The following DPP10 variants were observed in gnomAD, a reference collection of about 807,000 sequenced individuals.
The protein encoded by DPP10 is inactive dipeptidyl peptidase 10.
DPP10 carries 33 observed loss-of-function variants against 120.9 expected under a neutral mutation model. That is an observed-to-expected ratio of 0.27 (90% CI 0.21 to 0.37). The LOEUF (loss-of-function observed/expected upper bound fraction) is 0.37. Ranked by LOEUF, DPP10 falls within the 10% of genes least tolerant of loss-of-function variation. The pLI, the probability that DPP10 is intolerant of heterozygous loss-of-function variation, is 1.00. For missense variants in DPP10, 816 were observed against 942.8 expected (o/e 0.87, Z 1.76); for synonymous variants, 337 against 326.1 (o/e 1.03, Z -0.36).
At chr2:115,420,140 C>CTGA (rs2069806241) in intron 3 of DPP10, among the ~76,000 whole-genome samples, 1 of 152,162 alleles carries the variant, frequency 6.6e-6, no homozygotes, top group South Asian at 2.1e-4. Flanking sequence ...TCCTGTCCTG[C>CTGA]TGATCATGCA....
chr2:115,391,320 T>C (rs1361881605), intron 3 of DPP10, among the ~76,000 whole-genome samples: 3 of 152,266 alleles, frequency 2.0e-5, no homozygotes, highest in East Asian at 1.9e-4. Context: ...TGGACACTGA[T>C]TGTGTAAGCA....
chr2:114,544,745 C>T (rs1458390268), intron 1 of DPP10, among the ~76,000 whole-genome samples: 2 of 151,734 alleles, frequency 1.3e-5, no homozygotes, highest in Admixed American at 6.6e-5. Context: ...TACTACATAG[C>T]AATATATTAT....
intron 1 of DPP10, among the ~76,000 whole-genome samples, chr2:114,983,274 T>C (rs1185635410): frequency 2.6e-5 from 4 of 152,190 alleles, no homozygotes; most frequent in Non-Finnish European, 5.9e-5. Context: ...GTTGAAAAGT[T>C]TGACACATTC....
intron 3 of DPP10, among the ~76,000 whole-genome samples, chr2:115,358,296 C>A (rs1326393452): frequency 6.6e-6 from 1 of 152,258 alleles, no homozygotes; most frequent in African/African-American, 2.4e-5. Flanking sequence ...TTCAAAGTTT[C>A]ACATGTCTCT....
intron 1 of DPP10, among the ~76,000 whole-genome samples, chr2:114,942,098 C>G (rs1243597180): frequency 6.6e-6 from 1 of 150,704 alleles, no homozygotes; most frequent in East Asian, 2.0e-4. Context: ...ACGGTAAAAC[C>G]CCATCTCTAC....
intron 1 of DPP10, among the ~76,000 whole-genome samples, chr2:114,589,045 G>GT (rs1553466506): frequency 2.7e-5 from 4 of 150,404 alleles, no homozygotes; most frequent in Admixed American, 6.6e-5. Context: ...TTTGGGGGGG[G>GT]GGGTAGGGGA....
intron 1 of DPP10, among the ~76,000 whole-genome samples, chr2:114,987,008 G>C (rs539564945): frequency 6.6e-6 from 1 of 152,086 alleles, no homozygotes; most frequent in South Asian, 2.1e-4. Context: ...TCGAACTCCT[G>C]ACCTCAAGTG....
chr2:115,358,530 C>T (rs1405609250), intron 3 of DPP10, among the ~76,000 whole-genome samples: 1 of 152,060 alleles, frequency 6.6e-6, no homozygotes, highest in Non-Finnish European at 1.5e-5. Flanking sequence ...TGGGAAGTTC[C>T]AAACTTTCCC....
intron 1 of DPP10, among the ~76,000 whole-genome samples, chr2:114,791,318 C>T (rs965209807): frequency 3.9e-5 from 6 of 152,148 alleles, no homozygotes; most frequent in Non-Finnish European, 7.3e-5. Context: ...CTGCTTTGCC[C>T]ACTGAACTAG....
chr2:114,935,863 GT>G (rs34445525), intron 1 of DPP10, among the ~76,000 whole-genome samples: 107 of 146,018 alleles, frequency 7.3e-4, no homozygotes, highest in Middle Eastern at 3.5e-3. Context: ...AAAACTGAAG[GT>G]TTTTTTTTTT....
chr2:114,879,335 TG>T (rs1691417064), intron 1 of DPP10, among the ~76,000 whole-genome samples: 1 of 152,136 alleles, frequency 6.6e-6, no homozygotes, highest in South Asian at 2.1e-4. Context: ...CTCAATCATC[TG>T]TCACTATCAT....
intron 1 of DPP10, among the ~76,000 whole-genome samples, chr2:114,626,375 T>A (rs1407093171): frequency 1.3e-5 from 2 of 152,098 alleles, no homozygotes; most frequent in African/African-American, 4.8e-5. Context: ...TAATGAAGTT[T>A]ATCTGTTTTC....
intron 3 of DPP10, among the ~76,000 whole-genome samples, chr2:115,497,094 A>G (rs1027990827): frequency 1.3e-5 from 2 of 152,090 alleles, no homozygotes; most frequent in Non-Finnish European, 2.9e-5. Flanking sequence ...TTATCTATAT[A>G]TAGGCGAGTC....
intron 5 of DPP10, among the ~76,000 whole-genome samples, chr2:115,622,829 C>CTTTTTTTTTTTTTTTTTTT (rs765780452): frequency 3.1e-5 from 4 of 128,336 alleles, no homozygotes; most frequent in African/African-American, 2.9e-5. Flanking sequence ...TTCGTTTATT[C>CTTTTTTTTTTTTTTTTTTT]TTTTTTTTTT....
chr2:114,887,949 C>T (rs1692207123), intron 1 of DPP10, among the ~76,000 whole-genome samples: 1 of 151,844 alleles, frequency 6.6e-6, no homozygotes, highest in Non-Finnish European at 1.5e-5. Context: ...ACCATCCTGG[C>T]TAACACAGTG....
At chr2:114,994,946 C>T (rs2104953548) in intron 1 of DPP10, among the ~76,000 whole-genome samples, 1 of 152,254 alleles carries the variant, frequency 6.6e-6, no homozygotes, top group East Asian at 1.9e-4. Context: ...AAAAAATGCA[C>T]CCAATTCTCA....
In DPP10 at chr2:114,640,729, G is replaced by A. The variant is rs1484034823; in HGVS notation, c.60+197891G>A. Reference sequence around the variant, plus strand: ...AGTCAACCACGCAAAGAAGGAGGGAGAAAACTCTTTTGGAGAATTCCTTGG... The same window carrying A: ...AGTCAACCACGCAAAGAAGGAGGGAAAAAACTCTTTTGGAGAATTCCTTGG... On this transcript the variant is annotated intron_variant, in intron 1 of 25. Transcript: ENST00000410059. Among the ~76,000 whole-genome samples the A allele has an allele frequency of 2.6e-5, 4 of 152,038 alleles. No homozygotes were observed. In the East Asian group the frequency reaches 5.8e-4, roughly 22 times the overall value.
At chr2:115,725,286 A>C (rs944131388) in intron 7 of DPP10, among the ~76,000 whole-genome samples, 2 of 152,150 alleles carry the variant, frequency 1.3e-5, no homozygotes, top group African/African-American at 4.8e-5. Flanking sequence ...ATTGTTACTA[A>C]TGGTTAGAGT....
intron 1 of DPP10, among the ~76,000 whole-genome samples, chr2:114,561,991 A>G (rs1688801524): frequency 6.6e-6 from 1 of 152,240 alleles, no homozygotes; most frequent in African/African-American, 2.4e-5. Flanking sequence ...TTCAACTAAG[A>G]TAACGGGTTA....
Sources: allele counts gnomAD v4.1 joint callset (sites outside exome capture counted in the v4.1 genomes callset), GRCh38; gene constraint gnomAD v4.1.1; transcripts MANE v1.5; gene names NCBI Gene and HGNC (gene_info 2026-07-23, HGNC 2026-07-21).